AZIN2: variants seen among roughly 807,000 people sequenced by gnomAD.
AZIN2 encodes ODC antizyme inhibitor-2.
AZIN2 carries 28 observed loss-of-function variants against 47.8 expected under a neutral mutation model. The observed-to-expected ratio is 0.59, with a 90% CI of 0.43 to 0.80. The LOEUF (loss-of-function observed/expected upper bound fraction) is 0.80, where lower values mean the gene tolerates loss of function less well. Ranked by LOEUF, AZIN2 falls within the 30% of genes least tolerant of loss-of-function variation. The probability of loss-of-function intolerance (pLI) is 0.00; values close to 1 mark genes in which losing one functional copy is unlikely to be tolerated. For missense variants in AZIN2, 535 were observed against 582.5 expected (o/e 0.92, Z 0.84); for synonymous variants, 221 against 239.4 (o/e 0.92, Z 0.71).
At chr1:33,117,025 T>C (rs1644575786) in intron 10 of AZIN2, among the ~76,000 whole-genome samples, 1 of 152,236 alleles carries the variant, frequency 6.6e-6, no homozygotes, top group Non-Finnish European at 1.5e-5. Flanking sequence ...ATGGCACTGA[T>C]AACTTGGTTG....
At chr1:33,147,798 T>G in the AZIN2 span, 3 of 1,530,036 alleles carry the variant, frequency 2.0e-6, no homozygotes, top group Non-Finnish European at 2.7e-6. This position sits in a 1 kb window ranked among gnomAD's most constrained non-coding sequence, Gnocchi z 8.1. Context: ...AGTGCCTTCC[T>G]GAGGGCAGAG....
chr1:33,139,954 T>G, the AZIN2 span, among the ~76,000 whole-genome samples: 1 of 152,180 alleles, frequency 6.6e-6, no homozygotes, highest in Non-Finnish European at 1.5e-5. Flanking sequence ...CGGGAGTGGT[T>G]CCTATTATAA....
the AZIN2 span, among the ~76,000 whole-genome samples, chr1:33,135,278 ACT>A: frequency 6.6e-6 from 1 of 151,976 alleles, no homozygotes; most frequent in African/African-American, 2.4e-5. Flanking sequence ...ACAGAGCAAG[ACT>A]CTCTCAAAAA....
chr1:33,087,077 A>C (rs919378981), intron 5 of AZIN2, among the ~76,000 whole-genome samples: 3 of 152,180 alleles, frequency 2.0e-5, no homozygotes, highest in Non-Finnish European at 4.4e-5. Flanking sequence ...AGAAACTAGG[A>C]CATCAGCTTT....
the AZIN2 span, among the ~76,000 whole-genome samples, chr1:33,138,085 G>A: frequency 6.6e-6 from 1 of 152,198 alleles, no homozygotes; most frequent in African/African-American, 2.4e-5. Flanking sequence ...AGGTGGAGGA[G>A]GCAAGTGCTC....
At chr1:33,162,836 GGA>G in the AZIN2 span, 2 of 152,290 alleles carry the variant, frequency 1.3e-5, no homozygotes, top group Admixed American at 1.3e-4. Context: ...GGACACCCCA[GGA>G]GACATCCCAG....
intron 5 of AZIN2, among the ~76,000 whole-genome samples, chr1:33,087,446 T>TA (rs199837381): frequency 4.1e-4 from 61 of 149,292 alleles, no homozygotes; most frequent in Non-Finnish European, 4.8e-4. Flanking sequence ...TATATATATA[T>TA]TTTTTTTTGA....
intron 5 of AZIN2, among the ~76,000 whole-genome samples, chr1:33,084,753 G>A (rs995342640): frequency 6.6e-5 from 10 of 151,882 alleles, no homozygotes; most frequent in African/African-American, 2.4e-4. Context: ...GCACACCACC[G>A]TACCTGGCTA....
the AZIN2 span, among the ~76,000 whole-genome samples, chr1:33,133,866 T>C: frequency 6.6e-6 from 1 of 152,206 alleles, no homozygotes. Context: ...TGTTTGGCAC[T>C]TAGAAGGTGC....
intron 10 of AZIN2, among the ~76,000 whole-genome samples, chr1:33,100,253 G>A (rs986486814): frequency 1.3e-5 from 2 of 151,718 alleles, no homozygotes; most frequent in Admixed American, 6.6e-5. Flanking sequence ...CCTGGGAGGC[G>A]GAGGTTGCAG....
At chr1:33,124,979 A>T (rs904035572), downstream of AZIN2, among the ~76,000 whole-genome samples, 6 of 152,348 alleles carry the variant, frequency 3.9e-5, no homozygotes, top group African/African-American at 1.4e-4. This position sits in a 1 kb window ranked among gnomAD's most constrained non-coding sequence, Gnocchi z 4.6. Flanking sequence ...CACAATAAAC[A>T]TACGTGTGCA....
intron 11 of AZIN2, chr1:33,118,490 G>C (rs868093650): frequency 1.1e-5 from 2 of 178,390 alleles, no homozygotes; most frequent in African/African-American, 4.7e-5. Flanking sequence ...TTCAAGGCTC[G>C]CATGGAGAGT....
At chr1:33,100,605 A>G (rs1557697724) in intron 10 of AZIN2, among the ~76,000 whole-genome samples, 1 of 152,110 alleles carries the variant, frequency 6.6e-6, no homozygotes. Context: ...TATACAAGCT[A>G]CAACCATGTA....
chr1:33,164,339 C>T, the AZIN2 span: 10 of 152,236 alleles, frequency 6.6e-5, no homozygotes, highest in African/African-American at 9.7e-5. Flanking sequence ...AAGGCTCTGC[C>T]GCAGCTCCTG....
chr1:33,159,829 G>A, the AZIN2 span: 84 of 1,613,590 alleles, frequency 5.2e-5, no homozygotes, highest in Non-Finnish European at 6.6e-5. This position sits in a 1 kb window ranked among gnomAD's most constrained non-coding sequence, Gnocchi z 4.2. Context: ...GTCGGTCAGC[G>A]TGCGGGCCGT....
chr1:33,133,131 T>TA, the AZIN2 span, among the ~76,000 whole-genome samples: 1 of 152,136 alleles, frequency 6.6e-6, no homozygotes. Context: ...CATAGTCACT[T>TA]ACAGTTACAG....
the AZIN2 span, among the ~76,000 whole-genome samples, chr1:33,153,896 C>T: frequency 6.6e-6 from 1 of 152,190 alleles, no homozygotes; most frequent in Non-Finnish European, 1.5e-5. Context: ...AGACCTGGCC[C>T]CTGACCCTCA....
the AZIN2 span, among the ~76,000 whole-genome samples, chr1:33,156,444 C>T: frequency 6.6e-6 from 1 of 152,194 alleles, no homozygotes; most frequent in South Asian, 2.1e-4. Flanking sequence ...GCTCAGCAGC[C>T]TTTGTCACTG....
Position 33,120,279 on chromosome 1 carries a change from C to A in AZIN2, c.*97C>A, listed in dbSNP as rs1644763697. 1 of 1,501,126 alleles carries A rather than the reference C, an allele frequency of 6.7e-7. No homozygotes were observed. Among genetic ancestry groups the A allele is most frequent in the African/African-American group, 1.4e-5 (1 of 72,292 alleles). 93.0% of individuals were successfully genotyped at this position (1,501,126 alleles called of 1,614,324 possible). A position where few individuals can be genotyped will look rare whatever the true frequency, so the allele number is the denominator to read the frequency against. On this transcript the variant is annotated 3_prime_UTR_variant, in exon 12 of 12. Coordinates refer to ENST00000294517, the MANE Select transcript of AZIN2 (RefSeq NM_052998.4). ...CAGGCAAGGGTACCCTTGGCCAGGACTCTGGTGCCCACCCTGCCACCCCCG... is the reference window on the plus strand; with the variant it reads ...CAGGCAAGGGTACCCTTGGCCAGGAATCTGGTGCCCACCCTGCCACCCCCG...
Sources: allele counts gnomAD v4.1 joint callset (sites outside exome capture counted in the v4.1 genomes callset), GRCh38; gene constraint gnomAD v4.1.1; non-coding constraint Gnocchi (gnomAD v3.1); transcripts MANE v1.5; gene names NCBI Gene and HGNC (gene_info 2026-07-23, HGNC 2026-07-21).